PI4KA: variants seen among roughly 807,000 people sequenced by gnomAD.
PI4KA encodes the protein PI4-kinase alpha.
A neutral mutation model predicts 271.4 loss-of-function variants in PI4KA; 122 were observed. The observed-to-expected ratio is 0.45, with a 90% CI of 0.39 to 0.52. The LOEUF (loss-of-function observed/expected upper bound fraction) is 0.52, where lower values mean the gene tolerates loss of function less well. PI4KA is among the 20% of genes least tolerant of loss of function. The pLI, the probability that PI4KA is intolerant of heterozygous loss-of-function variation, is 0.00. For synonymous variants in PI4KA, 1,041 were observed against 1,078.8 expected, an observed-to-expected ratio of 0.96 and a Z score of 0.69; for missense variants, 1,969 against 2,769.1, an observed-to-expected ratio of 0.71 and a Z score of 6.48.
intron 10 of PI4KA, among the ~76,000 whole-genome samples, chr22:20,805,689 G>A (rs752817704): frequency 4.0e-5 from 6 of 151,832 alleles, no homozygotes; most frequent in Non-Finnish European, 5.9e-5. Context: ...AAAATTAGCC[G>A]GGCGTGGTGG....
chr22:20,741,905 G>A (rs1010638334), intron 32 of PI4KA, among the ~76,000 whole-genome samples: 3 of 152,164 alleles, frequency 2.0e-5, no homozygotes, highest in African/African-American at 7.2e-5. Flanking sequence ...AAACATTCCC[G>A]TGGACAAACA....
At chr22:20,724,922 G>GT (rs1201720952) in intron 42 of PI4KA, among the ~76,000 whole-genome samples, 3 of 152,258 alleles carry the variant, frequency 2.0e-5, no homozygotes, top group African/African-American at 7.2e-5. Flanking sequence ...TGACAATCCT[G>GT]TAAGTTGCCA....
intron 1 of PI4KA, among the ~76,000 whole-genome samples, chr22:20,846,527 G>A (rs1280826035): frequency 1.3e-5 from 2 of 152,016 alleles, no homozygotes; most frequent in Non-Finnish European, 2.9e-5. Flanking sequence ...TGGGGCCTGT[G>A]AGGTGGGGGA....
Position 20,718,833 on chromosome 22 carries a change from AGC to A in PI4KA, c.5117-13_5117-12del, listed in dbSNP as rs1386944930. On this transcript the variant is annotated splice_polypyrimidine_tract_variant and intron_variant, in intron 43 of 54. Transcript: ENST00000255882. ...GGTCGCCGATGTCAGCTGCCAAGGAAGCAAAGAGGCTTAAGTCTCTGTGGCTG... is the reference window on the plus strand; with the variant it reads ...GGTCGCCGATGTCAGCTGCCAAGGAAAAAGAGGCTTAAGTCTCTGTGGCTG... 2 of 1,613,488 alleles carry A rather than the reference AGC, an allele frequency of 1.2e-6. No individual in the cohort carries two copies. Among genetic ancestry groups the A allele is most frequent in the South Asian group, 1.1e-5 (1 of 91,050 alleles).
intron 19 of PI4KA, chr22:20,780,228 A>T (rs1227373525): frequency 3.1e-6 from 5 of 1,614,196 alleles, no homozygotes; most frequent in Non-Finnish European, 3.4e-6. Context: ...CAGTTCTCAC[A>T]GCAAACCCAC....
At chr22:20,713,437 G>A (rs1477979748) in intron 47 of PI4KA, 47 bp from the exon 48 acceptor site, 1 of 1,413,526 alleles carries the variant, frequency 7.1e-7, no homozygotes, top group Non-Finnish European at 9.8e-7. Context: ...GCAGTGAGAA[G>A]CCCTCTGAGG....
chr22:20,795,273 T>TAA (rs979794905), intron 18 of PI4KA, among the ~76,000 whole-genome samples: 1 of 146,936 alleles, frequency 6.8e-6, no homozygotes. Context: ...TTTCCTTATT[T>TAA]AAAAAAAAAA....
In PI4KA at chr22:20,858,784, A is replaced by G. The variant is rs1472590369; in HGVS notation, c.-59T>C. The stretch of plus-strand genomic sequence containing the variant: ...CCCGCTCCTGGCCCGCGAGCGCCCG[A>G]CCTCAGGGCGCAGGCGTAGGTGCAT... On this transcript the variant is annotated 5_prime_UTR_variant, in exon 1 of 55. Transcript: ENST00000255882. The G allele has an allele frequency of 7.3e-6, 10 of 1,365,156 alleles. No homozygotes were observed. The highest frequency in any genetic ancestry group is 9.5e-6 in the Non-Finnish European group (10 of 1,055,256). The allele number at this position is 1,365,156 out of a possible 1,614,324, so 84.6% of individuals were successfully genotyped here. A position where few individuals can be genotyped will look rare whatever the true frequency, so the allele number is the denominator to read the frequency against.
At position 20,807,371 on chromosome 22, in the gene PI4KA, A is replaced by T; in HGVS notation, c.1159T>A (p.Tyr387Asn). ...GGCAAACTGTCCTCACCCTTCATGT[A>T]GTACAGAGTGTCACGCAGCATCTTG... ...MFKMLRDTLY[Y>N]MKDLPTSFVK... The change falls in exon 10 of 55, where the codon TAC (tyrosine) becomes AAC (asparagine). Residue 387 changes from tyrosine (Y) to asparagine (N), a missense_variant. Around this residue, in one of 13 missense-constraint regions of PI4KA, gnomAD observed 540 missense variants for 555.5 expected, o/e 0.97. Transcript: ENST00000255882. 1 of 1,603,254 alleles carries T rather than the reference A, an allele frequency of 6.2e-7. No individual in the cohort carries two copies. Among genetic ancestry groups the T allele is most frequent in the Non-Finnish European group, 8.5e-7 (1 of 1,170,092 alleles).
Position 20,846,421 on chromosome 22 carries a change from G to A in PI4KA, c.157-7690C>T, listed in dbSNP as rs376229111. On this transcript the variant is annotated intron_variant, in intron 1 of 54. Coordinates refer to ENST00000255882, the MANE Select transcript of PI4KA (RefSeq NM_058004.4). ...AAAAATAATAAAGAAAAACACTAACGCAGGAACAGAAAACCAAATACTGCA... is the reference window on the plus strand; with the variant it reads ...AAAAATAATAAAGAAAAACACTAACACAGGAACAGAAAACCAAATACTGCA... 1.0e-3 allele frequency among the ~76,000 whole-genome samples: 154 copies of A among 151,894 alleles called. 1 individual carries two copies. The highest frequency in any genetic ancestry group is 3.5e-3 in the African/African-American group (143 of 41,416).
At chr22:20,790,047 C>A (rs192971924) in intron 19 of PI4KA, among the ~76,000 whole-genome samples, 1 of 152,262 alleles carries the variant, frequency 6.6e-6, no homozygotes, top group East Asian at 1.9e-4. Flanking sequence ...GCATTAGATA[C>A]CATTCAAAAC....
intron 1 of PI4KA, among the ~76,000 whole-genome samples, chr22:20,841,254 T>C (rs1925517704): frequency 6.6e-6 from 1 of 152,190 alleles, no homozygotes; most frequent in African/African-American, 2.4e-5. Context: ...GGTTGGGCTC[T>C]AACAATATCC....
Position 20,751,055 on chromosome 22 carries a change from T to C in PI4KA, c.3153+238A>G, listed in dbSNP as rs2072515. 0.41 allele frequency among the ~76,000 whole-genome samples: 62,511 copies of C among 151,680 alleles called. 13,396 individuals are homozygous for C. Among genetic ancestry groups the C allele is most frequent in the African/African-American group, 0.5 (20,724 of 41,332 alleles). ...AACCGAGAACACAGCTGAGTCAACA[T>C]GGCTGAGGTGGGGGAGCTGGGCTTG... On this transcript the variant is annotated intron_variant, in intron 27 of 54. Transcript: ENST00000255882.
At chr22:20,734,635 AAC>A (rs1413680946) in intron 32 of PI4KA, 82 bp from the exon 33 acceptor site, 2 of 1,336,624 alleles carry the variant, frequency 1.5e-6, no homozygotes, top group Non-Finnish European at 2.1e-6. Context: ...TAAAAAAAGG[AAC>A]ACGTGCTCAC....
Position 20,767,571 on chromosome 22 carries a change from T to C in PI4KA, c.2329-1878A>G, listed in dbSNP as rs1370001127. Among the ~76,000 whole-genome samples the C allele has an allele frequency of 2.6e-5, 4 of 152,036 alleles. No homozygotes were observed. The East Asian group carries it at 7.7e-4, about 29-fold the overall frequency. On this transcript the variant is annotated intron_variant, in intron 19 of 54. Coordinates refer to ENST00000255882, the MANE Select transcript of PI4KA (RefSeq NM_058004.4). The stretch of plus-strand genomic sequence containing the variant: ...TCGATCTCCCAGGCTCAAGTGATCC[T>C]CCCACCTCAGCCTTCCCAGTAGCAG...
intron 36 of PI4KA, among the ~76,000 whole-genome samples, chr22:20,732,469 C>T (rs1362257843): frequency 4.6e-5 from 7 of 152,244 alleles, no homozygotes; most frequent in African/African-American, 1.7e-4. Context: ...CATGCCGGTG[C>T]AGCCATTCAG....
At chr22:20,797,428 C>G (rs1032334606) in intron 17 of PI4KA, among the ~76,000 whole-genome samples, 2 of 152,004 alleles carry the variant, frequency 1.3e-5, no homozygotes, top group Non-Finnish European at 2.9e-5. Flanking sequence ...GAGAAAGGGC[C>G]CAGCAGTCAC....
chr22:20,714,342 T>C (rs1460471146), intron 47 of PI4KA, 116 bp downstream of exon 47: 7 of 1,499,648 alleles, frequency 4.7e-6, no homozygotes, highest in Non-Finnish European at 5.3e-6. Context: ...GGCAGACAGA[T>C]GGACAGACAT....
At chr22:20,841,208 T>G (rs1455027528) in intron 1 of PI4KA, among the ~76,000 whole-genome samples, 1 of 152,162 alleles carries the variant, frequency 6.6e-6, no homozygotes, top group African/African-American at 2.4e-5. Flanking sequence ...ACATAAAGCA[T>G]AAGAATGGAT....
Sources: gnomAD v4.1 joint callset for allele counts (sites outside exome capture counted in the v4.1 genomes callset) on GRCh38, gnomAD v4.1.1 for gene constraint, gnomAD v4.1.1 regional missense constraint, MANE v1.5 for transcripts, NCBI Gene and HGNC (gene_info 2026-07-23, HGNC 2026-07-21) for gene names.